Variants in RASGRP4 observed in about 807,000 individuals in gnomAD.
RASGRP4 encodes the protein RAS guanyl releasing protein 4, also known as RAS guanyl-releasing protein 4.
A neutral mutation model predicts 84.4 loss-of-function variants in RASGRP4; 52 were observed. The observed-to-expected ratio is 0.62, with a 90% CI of 0.49 to 0.78. The LOEUF is 0.78. Ranked by LOEUF, RASGRP4 falls within the 30% of genes least tolerant of loss-of-function variation. The pLI is 0.00. For synonymous variants in RASGRP4, 356 were observed against 359.1 expected, an observed-to-expected ratio of 0.99 and a Z score of 0.10; for missense variants, 760 against 886.9, an observed-to-expected ratio of 0.86 and a Z score of 1.82.
At chr19:38,416,522 A>G (rs1251102747) in intron 8 of RASGRP4, among the ~76,000 whole-genome samples, 3 of 150,324 alleles carry the variant, frequency 2.0e-5, no homozygotes, top group South Asian at 2.2e-4. Flanking sequence ...TATGTTGCCC[A>G]GGCTGGTCTG....
chr19:38,413,416 T>A lies in RASGRP4; in HGVS notation c.1289A>T (p.Glu430Val). ...DEIYELSYAR[E>V]PRCPKSLPPS... ...CACCAGGCTCTTGGGACAACGCGGCTCCCGGGCATAAGAAAGCTCATAGAT... is the reference window on the plus strand; with the variant it reads ...CACCAGGCTCTTGGGACAACGCGGCACCCGGGCATAAGAAAGCTCATAGAT... The change falls in exon 10 of 17, where the codon GAG becomes GTG. Residue 430 changes from glutamate to valine, a missense_variant. Physicochemically the swap from Glu to Val is moderately radical, Grantham distance 121. Transcript: ENST00000615439. The surrounding 1 kb of genome is among the most constrained non-coding windows in gnomAD (Gnocchi z 4.7). 1 of 1,608,488 alleles carries A rather than the reference T, an allele frequency of 6.2e-7. No individual in the cohort carries two copies. Among genetic ancestry groups the A allele is most frequent in the Non-Finnish European group, 8.5e-7 (1 of 1,177,436 alleles).
rs752800584 is a variant in RASGRP4, at chr19:38,426,117, G to A, written c.-26C>T. The A allele has an allele frequency of 3.0e-6, 4 of 1,319,314 alleles. No individual in the cohort carries two copies. The highest frequency in any genetic ancestry group is 2.8e-5 in the East Asian group (1 of 35,348). The allele number at this position is 1,319,314 out of a possible 1,614,324, so 81.7% of individuals were successfully genotyped here. On this transcript the variant is annotated 5_prime_UTR_variant, in exon 1 of 17. Transcript: ENST00000615439. ...GCTTCCCGCGTGGGGTGAGGAGGCC[G>A]GGGGTCTTGCAAGAGTAGGGCTCAG...
chr19:38,417,759 A>C lies in RASGRP4; in HGVS notation c.838-591T>G, dbSNP rs987645116. ...CCAGGGAGGAATGGAAAATGCTCAGACTAAGGACACCCCAGGCGGACGTCG... is the reference window on the plus strand; with the variant it reads ...CCAGGGAGGAATGGAAAATGCTCAGCCTAAGGACACCCCAGGCGGACGTCG... On this transcript the variant is annotated intron_variant, in intron 7 of 16. Coordinates refer to ENST00000615439, the MANE Select transcript of RASGRP4 (RefSeq NM_170604.3). This position sits in a 1 kb window ranked among gnomAD's most constrained non-coding sequence, Gnocchi z 5.1. Among the ~76,000 whole-genome samples, 1 of 152,026 alleles carries C rather than the reference A, an allele frequency of 6.6e-6. No individual in the cohort carries two copies. The highest frequency in any genetic ancestry group is 1.5e-5 in the Non-Finnish European group (1 of 67,998).
In RASGRP4 at chr19:38,414,996, A is replaced by G. The variant is rs754932964; in HGVS notation, c.1082T>C (p.Leu361Pro). The G allele has an allele frequency of 1.9e-6, 3 of 1,613,022 alleles. No individual in the cohort carries two copies. In the Admixed American group the frequency reaches 5.0e-5, roughly 27 times the overall value. ...LGVHLKDLVS[L>P]HEAQPDRLPD... is the part of the protein sequence containing the mutation. ...CAACCTGTCGGGCTGTGCCTCATGC[A>G]GGGACACCAGGTCCTTGAGGTGCAC... Residue 361 changes from leucine to proline, a missense_variant, in exon 9 of 17, where the codon CTG becomes CCG. Leu to Pro is a moderately conservative substitution (Grantham distance 98). Coordinates refer to ENST00000615439, the MANE Select transcript of RASGRP4 (RefSeq NM_170604.3).
intron 9 of RASGRP4, among the ~76,000 whole-genome samples, chr19:38,414,245 T>G (rs1254416553): frequency 6.6e-6 from 1 of 151,902 alleles, no homozygotes; most frequent in Non-Finnish European, 1.5e-5. Context: ...TTAAAGACAT[T>G]CTTTGAACGA....
Position 38,417,780 on chromosome 19 carries a change from C to T in RASGRP4, c.837+611G>A, listed in dbSNP as rs75060275. On this transcript the variant is annotated intron_variant, in intron 7 of 16. Transcript: ENST00000615439. This position sits in a 1 kb window ranked among gnomAD's most constrained non-coding sequence, Gnocchi z 5.1. ...TCAGACTAAGGACACCCCAGGCGGA[C>T]GTCGAGACCCCCAGGTCTCAGGGGC... 1.5e-3 allele frequency among the ~76,000 whole-genome samples: 234 copies of T among 152,224 alleles called. 6 individuals are homozygous for T. The East Asian group carries it at 0.034, about 22-fold the overall frequency.
Position 38,421,119 on chromosome 19 carries a change from T to A in RASGRP4, c.290A>T (p.Asp97Val). 1.2e-6 allele frequency: 2 copies of A among 1,613,812 alleles called. No individual in the cohort carries two copies. The highest frequency in any genetic ancestry group is 1.7e-6 in the Non-Finnish European group (2 of 1,179,820). Residue 97 changes from aspartate (D) to valine (V), a missense_variant, in exon 3 of 17, where the codon GAC becomes GTC. Physicochemically the swap from Asp to Val is radical, Grantham distance 152. Transcript: ENST00000615439. ...AMHSWVLPSA[D>V]LAARLLTSYQ... ...TGAGGTCAGCAGGCGGGCAGCCAGG[T>A]CGGCGGACGGCAGCACCCAGCTGTG...
Position 38,422,106 on chromosome 19 carries a change from G to A in RASGRP4, c.71C>T (p.Pro24Leu), listed in dbSNP as rs1568415635. 6.2e-7 allele frequency: 1 copy of A among 1,613,132 alleles called. No homozygotes were observed. Among genetic ancestry groups the A allele is most frequent in the Admixed American group, 1.7e-5 (1 of 60,006 alleles). ...CTGKIGGRGR[P>L]RQVRRHKTCP... ...TGTCTTGTGGCGGCGCACTTGGCGG[G>A]GCCGGCCTCGCCCTCCTATTTTTCC... Residue 24 changes from proline to leucine, a missense_variant, in exon 2 of 17, where the codon CCC becomes CTC. Transcript: ENST00000615439.
Position 38,411,225 on chromosome 19 carries a change from T to C in RASGRP4, c.1742A>G (p.His581Arg). The change falls in exon 15 of 17, where the codon CAC becomes CGC. Residue 581 changes from histidine to arginine, a missense_variant. By Grantham distance (29) the His-to-Arg change is conservative (BLOSUM62 0). Coordinates refer to ENST00000615439, the MANE Select transcript of RASGRP4 (RefSeq NM_170604.3). Reference protein sequence around the residue: ...CRECGLCCHKHCRDQVKVECK... With the variant: ...CRECGLCCHKRCRDQVKVECK... ...TTCTACCTTCACCTGGTCTCTGCAG[T>C]GTTTGTGGCAACACAGCCCGCACTC... 3 of 1,613,970 alleles carry C rather than the reference T, an allele frequency of 1.9e-6. No homozygotes were observed. Among genetic ancestry groups the C allele is most frequent in the Non-Finnish European group, 2.5e-6 (3 of 1,179,872 alleles).
At chr19:38,421,010 C>T (rs1227721747) in intron 3 of RASGRP4, 40 bp from the exon 4 acceptor site, 2 of 1,610,720 alleles carry the variant, frequency 1.2e-6, no homozygotes, top group Non-Finnish European at 1.7e-6. Context: ...GGATCCATGA[C>T]CTGCCTGCTC....
In RASGRP4 at chr19:38,421,206, G is replaced by A; in HGVS notation, c.209-6C>T. Reference sequence around the variant, plus strand: ...GCACAGGCTGCCAGCTGAATCTGGGGTGGAAGGAGGGGTACTCTGTGACAG... The same window carrying A: ...GCACAGGCTGCCAGCTGAATCTGGGATGGAAGGAGGGGTACTCTGTGACAG... On this transcript the variant is annotated splice_region_variant and splice_polypyrimidine_tract_variant and intron_variant, in intron 2 of 16. Coordinates refer to ENST00000615439, the MANE Select transcript of RASGRP4 (RefSeq NM_170604.3). 6.2e-7 allele frequency: 1 copy of A among 1,600,696 alleles called. No homozygotes were observed. Among genetic ancestry groups the A allele is most frequent in the Non-Finnish European group, 8.6e-7 (1 of 1,168,242 alleles).
intron 8 of RASGRP4, among the ~76,000 whole-genome samples, chr19:38,416,105 C>T (rs1255831204): frequency 1.3e-5 from 2 of 150,842 alleles, no homozygotes; most frequent in Non-Finnish European, 3.0e-5. Flanking sequence ...AGCAGTCCTC[C>T]CCCTCAGCCT....
intron 1 of RASGRP4, among the ~76,000 whole-genome samples, chr19:38,424,212 C>T (rs1033108781): frequency 7.9e-5 from 12 of 151,192 alleles, no homozygotes; most frequent in Non-Finnish European, 1.3e-4. Context: ...CTCCACCTCC[C>T]GGGTTCAAGC....
rs2145182274 is a variant in RASGRP4, at chr19:38,409,099, C to G, written c.*941G>C. 1 of 423,296 alleles carries G rather than the reference C, an allele frequency of 2.4e-6. No individual in the cohort carries two copies. Among genetic ancestry groups the G allele is most frequent in the Non-Finnish European group, 4.0e-6 (1 of 249,640 alleles). 26.2% of individuals were successfully genotyped at this position (423,296 alleles called of 1,614,324 possible). The stretch of plus-strand genomic sequence containing the variant: ...AATTTATGACAGCTGTAGGACCTCT[C>G]TCTGTGGGGGCCAAGTCAGGGGTGT... On this transcript the variant is annotated 3_prime_UTR_variant, in exon 17 of 17. Transcript: ENST00000615439.
At chr19:38,424,620 G>C (rs911817460) in intron 1 of RASGRP4, among the ~76,000 whole-genome samples, 2 of 145,082 alleles carry the variant, frequency 1.4e-5, no homozygotes, top group Admixed American at 6.9e-5. Context: ...TGTCAATGGG[G>C]GGGGGGGTCT....
In RASGRP4 at chr19:38,420,027, G is replaced by T. The variant is rs752994946; in HGVS notation, c.510-14C>A. The T allele has an allele frequency of 2.7e-5, 43 of 1,613,224 alleles. No individual in the cohort carries two copies. Among genetic ancestry groups the T allele is most frequent in the African/African-American group, 4.0e-5 (3 of 74,932 alleles). On this transcript the variant is annotated splice_polypyrimidine_tract_variant and intron_variant, in intron 5 of 16. Coordinates refer to ENST00000615439, the MANE Select transcript of RASGRP4 (RefSeq NM_170604.3). ...CCAGGGCTCAGGCTGGGGGCCAAGA[G>T]GGGCAGGGTATTGGAGTGGCTCACA...
intron 1 of RASGRP4, among the ~76,000 whole-genome samples, chr19:38,425,170 C>T (rs12985348): frequency 0.049 from 7,108 of 144,360 alleles, 284 homozygotes; most frequent in African/African-American, 0.11. Flanking sequence ...GGCGGCAGAG[C>T]GAGACTCCGT....
chr19:38,412,227 C>T lies in RASGRP4; in HGVS notation c.1680+445G>A, dbSNP rs1268602208. Among the ~76,000 whole-genome samples, 1 of 152,110 alleles carries T rather than the reference C, an allele frequency of 6.6e-6. No homozygotes were observed. The highest frequency in any genetic ancestry group is 1.5e-5 in the Non-Finnish European group (1 of 68,032). On this transcript the variant is annotated intron_variant, in intron 13 of 16. Coordinates refer to ENST00000615439, the MANE Select transcript of RASGRP4 (RefSeq NM_170604.3). This position sits in a 1 kb window ranked among gnomAD's most constrained non-coding sequence, Gnocchi z 4.6. ...CCACCTCCTGGGTTCAAGCAATTCT[C>T]GTGCCTCAGCCTCCTGAGTAGCTGG... is the stretch of plus-strand genomic sequence containing the variant.
At chr19:38,421,267 T>G (rs1290411234) in intron 2 of RASGRP4, 67 bp from the exon 3 acceptor site, 2 of 1,184,570 alleles carry the variant, frequency 1.7e-6, no homozygotes, top group Admixed American at 3.5e-5. Context: ...TAGCTCCAGA[T>G]CCTGCCGGAC....
Sources: gnomAD v4.1 joint callset for allele counts (sites outside exome capture counted in the v4.1 genomes callset) on GRCh38, gnomAD v4.1.1 for gene constraint, Gnocchi (gnomAD v3.1) non-coding constraint, MANE v1.5 for transcripts, NCBI Gene and HGNC (gene_info 2026-07-23, HGNC 2026-07-21) for gene names.